Variants in ATP13A5 observed in about 807,000 individuals in gnomAD.
ATP13A5 encodes ATPase 13A5, also known as probable cation-transporting ATPase 13A5.
In ATP13A5, 149 loss-of-function variants were observed where a neutral mutation model predicts 150.2. The ratio of observed to expected loss-of-function variants is 0.99; its 90% CI spans 0.87 to 1.14. ATP13A5 has a LOEUF of 1.14. ATP13A5 is among the 50% of genes most tolerant of loss of function. ATP13A5 has a pLI of 0.00. For synonymous variants in ATP13A5, 497 were observed against 522.2 expected, an observed-to-expected ratio of 0.95 and a Z score of 0.66; for missense variants, 1,383 against 1,449.3, an observed-to-expected ratio of 0.95 and a Z score of 0.74.
intron 5 of ATP13A5, among the ~76,000 whole-genome samples, chr3:193,358,805 T>G (rs1712890329): frequency 6.6e-6 from 1 of 152,080 alleles, no homozygotes; most frequent in Admixed American, 6.5e-5. Flanking sequence ...GGCATAGGGA[T>G]GCAGAAGGGA....
intron 22 of ATP13A5, 170 bp downstream of exon 22, chr3:193,307,157 C>A: frequency 6.9e-7 from 1 of 1,459,188 alleles, no homozygotes; most frequent in Non-Finnish European, 9.0e-7. Context: ...TCTCATCTCC[C>A]TTTACTCCCC....
At chr3:193,353,119 C>T (rs1206040322) in intron 6 of ATP13A5, among the ~76,000 whole-genome samples, 1 of 151,826 alleles carries the variant, frequency 6.6e-6, no homozygotes, top group Non-Finnish European at 1.5e-5. Context: ...GAGGAGTGTC[C>T]ATGGGACAAC....
chr3:193,373,247 C>G (rs553422314), intron 1 of ATP13A5, among the ~76,000 whole-genome samples: 1 of 152,114 alleles, frequency 6.6e-6, no homozygotes, highest in Non-Finnish European at 1.5e-5. Flanking sequence ...CAAGCGATCT[C>G]CTGCCTTAGC....
intron 26 of ATP13A5, among the ~76,000 whole-genome samples, 190 bp from the exon 27 acceptor site, chr3:193,285,306 TTGTC>T (rs1717675069): frequency 6.6e-6 from 1 of 152,224 alleles, no homozygotes; most frequent in Non-Finnish European, 1.5e-5. Context: ...AGATTGTTCT[TTGTC>T]TGGCACTCCG....
intron 25 of ATP13A5, among the ~76,000 whole-genome samples, chr3:193,293,396 G>T (rs1026532925): frequency 3.3e-5 from 5 of 152,070 alleles, no homozygotes; most frequent in South Asian, 2.1e-4. Flanking sequence ...TCCCTTCTGA[G>T]TTCCCACAAC....
intron 17 of ATP13A5, among the ~76,000 whole-genome samples, chr3:193,315,765 G>A (rs764607673): frequency 5.9e-5 from 9 of 152,104 alleles, no homozygotes; most frequent in African/African-American, 1.2e-4. Context: ...TAAGATTACA[G>A]GGAGATAGAT....
chr3:193,299,706 G>A (rs1283967547), intron 24 of ATP13A5, among the ~76,000 whole-genome samples: 4 of 152,032 alleles, frequency 2.6e-5, no homozygotes, highest in African/African-American at 2.4e-5. Context: ...GAATTCAGTC[G>A]GGTACATCTG....
chr3:193,354,259 C>A, intron 5 of ATP13A5, 63 bp from the exon 6 acceptor site: 3 of 1,398,008 alleles, frequency 2.1e-6, no homozygotes, highest in Middle Eastern at 1.8e-4. Flanking sequence ...GACTACAGGC[C>A]AAACTAAACA....
intron 14 of ATP13A5, 143 bp downstream of exon 14, chr3:193,324,721 G>T (rs944591027): frequency 4.1e-5 from 35 of 847,848 alleles, no homozygotes; most frequent in Non-Finnish European, 5.8e-5. Flanking sequence ...GGGGGCACAG[G>T]TTGGGAAGTT....
chr3:193,314,301 C>G, intron 18 of ATP13A5, 108 bp from the exon 19 acceptor site: 2 of 1,223,392 alleles, frequency 1.6e-6, no homozygotes, highest in Non-Finnish European at 2.3e-6. Context: ...GAGCATTTAC[C>G]GCTTTCTGCC....
intron 27 of ATP13A5, among the ~76,000 whole-genome samples, chr3:193,280,064 C>T (rs1179310079): frequency 7.4e-6 from 1 of 135,752 alleles, no homozygotes; most frequent in African/African-American, 2.7e-5. Context: ...TTTTTCTTTC[C>T]TTTTTTTTGA....
intron 9 of ATP13A5, among the ~76,000 whole-genome samples, chr3:193,341,406 A>C: frequency 6.6e-6 from 1 of 152,192 alleles, no homozygotes; most frequent in East Asian, 1.9e-4. Context: ...ATTTCTAGCT[A>C]AATCAAAGTC....
chr3:193,287,073 C>T (rs965199454), intron 26 of ATP13A5, among the ~76,000 whole-genome samples: 2 of 152,068 alleles, frequency 1.3e-5, no homozygotes, highest in Non-Finnish European at 2.9e-5. Context: ...CCCTTCAATT[C>T]TTTGAAGGCT....
At chr3:193,344,883 G>A (rs991690031) in intron 8 of ATP13A5, 120 bp downstream of exon 8, 18 of 1,004,468 alleles carry the variant, frequency 1.8e-5, no homozygotes, top group South Asian at 4.4e-5. Context: ...CCTCACCCTC[G>A]TCCCAGTTCT....
At chr3:193,307,081 A>G (rs561812590) in intron 22 of ATP13A5, 1,665 of 983,686 alleles carry the variant, frequency 1.7e-3, no homozygotes, top group Middle Eastern at 5.2e-3. Context: ...AACCTGAAAT[A>G]TGGGAGTCTA....
At chr3:193,377,875 G>A (rs752815010) in intron 1 of ATP13A5, among the ~76,000 whole-genome samples, 8 of 152,180 alleles carry the variant, frequency 5.3e-5, no homozygotes, top group East Asian at 1.9e-4. Context: ...AGAAGGAGTC[G>A]GCTGGATTCC....
chr3:193,336,567 C>G (rs1382762371), intron 9 of ATP13A5, among the ~76,000 whole-genome samples: 3 of 152,210 alleles, frequency 2.0e-5, no homozygotes, highest in Non-Finnish European at 2.9e-5. Flanking sequence ...GACATGAACT[C>G]ATCCGTTTTT....
At chr3:193,355,178 C>T (rs766788317) in intron 5 of ATP13A5, among the ~76,000 whole-genome samples, 2 of 151,970 alleles carry the variant, frequency 1.3e-5, no homozygotes, top group Non-Finnish European at 2.9e-5. Flanking sequence ...GTGATCCACC[C>T]GCCTCAGCCT....
intron 12 of ATP13A5, among the ~76,000 whole-genome samples, chr3:193,329,244 GAA>G (rs34072839): frequency 3.7e-4 from 52 of 141,642 alleles, no homozygotes; most frequent in East Asian, 8.3e-4. Context: ...CATCTCAAAA[GAA>G]AAAAAAAAAA....
Sources: allele counts gnomAD v4.1 joint callset (sites outside exome capture counted in the v4.1 genomes callset), GRCh38; gene constraint gnomAD v4.1.1; transcripts MANE v1.5; gene names NCBI Gene and HGNC (gene_info 2026-07-23, HGNC 2026-07-21).